MYO16: variants seen among roughly 807,000 people sequenced by gnomAD.
The protein encoded by MYO16 is unconventional myosin-XVI.
In MYO16, 94 loss-of-function variants were observed where a neutral mutation model predicts 205.3. The ratio of observed to expected loss-of-function variants is 0.46; its 90% confidence interval spans 0.39 to 0.54. MYO16 has a LOEUF of 0.54. MYO16 is among the 20% of genes least tolerant of loss of function. The pLI is 0.00. For synonymous variants in MYO16, 988 were observed against 954.0 expected (o/e 1.04, Z -0.66); for missense variants, 2,315 against 2,387.5 (o/e 0.97, Z 0.63).
At chr13:109,193,511 A>G (rs1213335676) in intron 34 of MYO16, among the ~76,000 whole-genome samples, 1 of 152,160 alleles carries the variant, frequency 6.6e-6, no homozygotes, top group Non-Finnish European at 1.5e-5. Flanking sequence ...TTCTTCATTC[A>G]TATTTGATTC....
At position 108,862,961 on chromosome 13, in the gene MYO16, T is replaced by C. The variant is rs116449378; in HGVS notation, c.1360-3216T>C. Among the ~76,000 whole-genome samples, 1,207 of 152,288 alleles carry C rather than the reference T, an allele frequency of 7.9e-3. 12 individuals are homozygous for C. The highest frequency in any genetic ancestry group is 0.028 in the African/African-American group (1,154 of 41,574). ...CATATTTTGAGGACATAATAAATGT[T>C]TGCTTGTTTGTTTTATGGAAAATAA... On this transcript the variant is annotated intron_variant, in intron 11 of 34. Coordinates refer to ENST00000457511, the MANE Select transcript of MYO16 (RefSeq NM_001198950.3).
chr13:109,201,080 A>T (rs1350353953), intron 34 of MYO16, among the ~76,000 whole-genome samples: 2 of 152,088 alleles, frequency 1.3e-5, no homozygotes, highest in African/African-American at 2.4e-5. Flanking sequence ...TTGTCTTGTT[A>T]GGAATTGGTC....
chr13:109,068,177 A>T (rs1352912998), intron 27 of MYO16, among the ~76,000 whole-genome samples: 1 of 152,230 alleles, frequency 6.6e-6, no homozygotes, highest in African/African-American at 2.4e-5. Flanking sequence ...CAGAATTCTG[A>T]ATATTTTTAT....
chr13:108,839,962 G>A (rs1015910837), intron 9 of MYO16, among the ~76,000 whole-genome samples: 12 of 152,012 alleles, frequency 7.9e-5, no homozygotes, highest in Non-Finnish European at 1.8e-4. Context: ...CCCTGCTTAT[G>A]GCCATAGTCA....
At chr13:109,117,444 ATATG>A (rs1190524799) in intron 28 of MYO16, among the ~76,000 whole-genome samples, 1 of 144,276 alleles carries the variant, frequency 6.9e-6, no homozygotes, top group African/African-American at 2.7e-5. Flanking sequence ...ATATGTATAT[ATATG>A]TATATATATG....
intron 16 of MYO16, among the ~76,000 whole-genome samples, chr13:108,924,081 T>C (rs934113582): frequency 6.6e-6 from 1 of 152,192 alleles, no homozygotes; most frequent in African/African-American, 2.4e-5. Context: ...TTTAGGGCCA[T>C]AAAGTCCAAA....
chr13:108,624,120 G>A (rs1473139530), intron 1 of MYO16, among the ~76,000 whole-genome samples: 1 of 152,048 alleles, frequency 6.6e-6, no homozygotes, highest in East Asian at 1.9e-4. Context: ...TGAAGGAGAG[G>A]CTTCTTATTT....
intron 16 of MYO16, among the ~76,000 whole-genome samples, chr13:108,920,500 C>G (rs1326950216): frequency 6.6e-6 from 1 of 151,998 alleles, no homozygotes; most frequent in Non-Finnish European, 1.5e-5. Context: ...CTATTATCAC[C>G]CAGGCTGGAA....
intron 7 of MYO16, among the ~76,000 whole-genome samples, chr13:108,816,949 T>G (rs1264182740): frequency 6.6e-6 from 1 of 152,218 alleles, no homozygotes; most frequent in Non-Finnish European, 1.5e-5. Flanking sequence ...AAGATGGTCA[T>G]TAAGCACATG....
At chr13:109,007,937 G>C (rs1245040315) in intron 21 of MYO16, among the ~76,000 whole-genome samples, 2 of 151,960 alleles carry the variant, frequency 1.3e-5, no homozygotes, top group African/African-American at 4.8e-5. Context: ...CTTTTCTCTG[G>C]GATCTCATGG....
intron 20 of MYO16, among the ~76,000 whole-genome samples, chr13:108,987,253 A>G (rs1032495703): frequency 6.6e-6 from 1 of 152,232 alleles, no homozygotes; most frequent in Non-Finnish European, 1.5e-5. Context: ...CTCTAGTGCA[A>G]CTGTCAGAAT....
chr13:109,008,045 G>A (rs1445789454), intron 21 of MYO16, among the ~76,000 whole-genome samples: 1 of 152,156 alleles, frequency 6.6e-6, no homozygotes, highest in Non-Finnish European at 1.5e-5. Context: ...CTCAACGTTT[G>A]TAATATTGGA....
At chr13:108,548,440 T>G in the MYO16 span, among the ~76,000 whole-genome samples, 1 of 151,478 alleles carries the variant, frequency 6.6e-6, no homozygotes, top group African/African-American at 2.4e-5. Context: ...GTTGTGATGG[T>G]GAGAATGGTG....
At chr13:108,554,060 A>G in the MYO16 span, among the ~76,000 whole-genome samples, 5,739 of 152,226 alleles carry the variant, frequency 0.038, 329 homozygotes, top group African/African-American at 0.12. Context: ...TTGATGTGCC[A>G]TACATAGCAC....
chr13:109,144,026 C>CT (rs11347920), intron 32 of MYO16, among the ~76,000 whole-genome samples: 46,512 of 143,592 alleles, frequency 0.32, 7,671 homozygotes, highest in East Asian at 0.45. Context: ...TATAATAATT[C>CT]TTTTTTTTTT....
chr13:108,851,693 A>G (rs736966), intron 10 of MYO16, among the ~76,000 whole-genome samples: 61,087 of 151,498 alleles, frequency 0.4, 12,568 homozygotes, highest in East Asian at 0.66. Flanking sequence ...TCAAAGTCCA[A>G]TCCATTCCTC....
At chr13:109,040,630 G>A (rs1453650374) in intron 23 of MYO16, among the ~76,000 whole-genome samples, 1 of 151,874 alleles carries the variant, frequency 6.6e-6, no homozygotes, top group African/African-American at 2.4e-5. Flanking sequence ...TATATCACAG[G>A]ATGAAGAAAA....
intron 27 of MYO16, among the ~76,000 whole-genome samples, chr13:109,094,351 T>C (rs1888710924): frequency 6.6e-6 from 1 of 151,942 alleles, no homozygotes; most frequent in Non-Finnish European, 1.5e-5. Flanking sequence ...GCTGGCAATA[T>C]AGGTTTGTGC....
chr13:108,856,182 ATC>A (rs34072976), intron 11 of MYO16, among the ~76,000 whole-genome samples: 2,373 of 152,218 alleles, frequency 0.016, 30 homozygotes, highest in Middle Eastern at 0.027. Context: ...ATCAAAATCA[ATC>A]TCTTTCTCTT....
Sources: gnomAD v4.1 joint callset for allele counts (sites outside exome capture counted in the v4.1 genomes callset) on GRCh38, gnomAD v4.1.1 for gene constraint, MANE v1.5 for transcripts, NCBI Gene and HGNC (gene_info 2026-07-23, HGNC 2026-07-21) for gene names.